DDAH1: variants seen among roughly 807,000 people sequenced by gnomAD.
DDAH1 encodes the protein dimethylarginine dimethylaminohydrolase 1, also known as N(G),N(G)-dimethylarginine dimethylaminohydrolase 1.
A neutral mutation model predicts 28.8 loss-of-function variants in DDAH1; 19 were observed. That is an observed-to-expected ratio of 0.66 (90% CI 0.46 to 0.97). The LOEUF is 0.97. DDAH1 is among the 50% of genes least tolerant of loss of function. DDAH1 has a pLI of 0.00. For missense variants in DDAH1, 326 were observed against 375.9 expected, an observed-to-expected ratio of 0.87 and a Z score of 1.10; for synonymous variants, 153 against 154.4, an observed-to-expected ratio of 0.99 and a Z score of 0.07.
At chr1:85,380,825 A>ATG (rs1650944071) in intron 1 of DDAH1, among the ~76,000 whole-genome samples, 1 of 152,168 alleles carries the variant, frequency 6.6e-6, no homozygotes, top group Non-Finnish European at 1.5e-5. Context: ...TCTTAGACTT[A>ATG]TGTGTGTGTG....
At chr1:85,392,772 A>G (rs528813250) in intron 1 of DDAH1, among the ~76,000 whole-genome samples, 18 of 148,110 alleles carry the variant, frequency 1.2e-4, no homozygotes, top group African/African-American at 4.0e-4. Context: ...CAGCCTGGCA[A>G]CAGAGCAAGA....
intron 1 of DDAH1, among the ~76,000 whole-genome samples, chr1:85,455,002 A>G (rs1440574932): frequency 6.6e-6 from 1 of 152,222 alleles, no homozygotes; most frequent in Non-Finnish European, 1.5e-5. Flanking sequence ...TTCAGAGAAA[A>G]GGGAGCTGGA....
intron 4 of DDAH1, among the ~76,000 whole-genome samples, chr1:85,339,885 C>T (rs546131857): frequency 1.3e-5 from 2 of 152,232 alleles, no homozygotes; most frequent in East Asian, 1.9e-4. Flanking sequence ...CCTTCAAGAC[C>T]GAAGGTACTG....
At chr1:85,474,445 T>C (rs138432036) in intron 2 of DDAH1, among the ~76,000 whole-genome samples, 19 of 152,188 alleles carry the variant, frequency 1.2e-4, no homozygotes, top group Admixed American at 5.2e-4. Context: ...ATCCCTATTC[T>C]CTCTTACTTG....
chr1:85,385,370 GT>G (rs1298892788), intron 1 of DDAH1, among the ~76,000 whole-genome samples: 1 of 152,178 alleles, frequency 6.6e-6, no homozygotes, highest in Non-Finnish European at 1.5e-5. Context: ...TAAAGCATTA[GT>G]AAAATACATA....
At chr1:85,356,145 A>G (rs1649477115) in intron 2 of DDAH1, among the ~76,000 whole-genome samples, 1 of 152,200 alleles carries the variant, frequency 6.6e-6, no homozygotes, top group South Asian at 2.1e-4. Context: ...TGTTCATTTT[A>G]TTATTGATCT....
intron 1 of DDAH1, among the ~76,000 whole-genome samples, chr1:85,403,186 C>A (rs1652232427): frequency 7.1e-6 from 1 of 141,028 alleles, no homozygotes; most frequent in Non-Finnish European, 1.5e-5. Flanking sequence ...TATACATATA[C>A]CTATATATAT....
intron 1 of DDAH1, among the ~76,000 whole-genome samples, chr1:85,534,059 A>G (rs1187970333): frequency 3.3e-5 from 5 of 152,216 alleles, no homozygotes; most frequent in African/African-American, 9.6e-5. Context: ...CAGTCAATCA[A>G]TCAATCAGTG....
chr1:85,415,449 C>T (rs761476300), intron 1 of DDAH1, among the ~76,000 whole-genome samples: 1 of 152,138 alleles, frequency 6.6e-6, no homozygotes. Flanking sequence ...ATTTCTAGCA[C>T]GTGTAACCTA....
chr1:85,334,793 G>C (rs897717202), intron 4 of DDAH1, among the ~76,000 whole-genome samples: 9 of 152,062 alleles, frequency 5.9e-5, no homozygotes, highest in Non-Finnish European at 1.2e-4. Flanking sequence ...GATTACTATA[G>C]CATCTAGACA....
At chr1:85,356,973 A>G (rs933212002) in intron 2 of DDAH1, among the ~76,000 whole-genome samples, 1 of 152,228 alleles carries the variant, frequency 6.6e-6, no homozygotes, top group African/African-American at 2.4e-5. Flanking sequence ...CCTGCTTACA[A>G]TAAGTTATTC....
chr1:85,439,245 A>G (rs1006005856), intron 1 of DDAH1, among the ~76,000 whole-genome samples: 1 of 152,370 alleles, frequency 6.6e-6, no homozygotes, highest in Middle Eastern at 3.4e-3. Context: ...CAATTCGCCA[A>G]CTAATCAGGA....
chr1:85,473,459 A>G (rs1158163618), intron 2 of DDAH1, among the ~76,000 whole-genome samples: 2 of 152,144 alleles, frequency 1.3e-5, no homozygotes, highest in African/African-American at 4.8e-5. Flanking sequence ...TCTACATTTA[A>G]AATTGTTATA....
At chr1:85,372,482 TACCA>T (rs1429049170) in intron 1 of DDAH1, among the ~76,000 whole-genome samples, 1 of 152,196 alleles carries the variant, frequency 6.6e-6, no homozygotes, top group Non-Finnish European at 1.5e-5. Flanking sequence ...GTCAATATTC[TACCA>T]AGGAAAACTA....
In DDAH1 at chr1:85,519,194, T is replaced by C. The variant is rs555690256; in HGVS notation, c.-122-22913A>G. ...CTGCAAGCTCCACCTCCCGGGTTCA[T>C]GCCATTCTCCTGCCTCAGCCTCCCC... is the stretch of plus-strand genomic sequence containing the variant. On this transcript the variant is annotated intron_variant, in intron 1 of 6. Transcript: ENST00000426972. Among the ~76,000 whole-genome samples, 57 of 147,924 alleles carry C rather than the reference T, an allele frequency of 3.9e-4. 1 individual carries two copies. Among genetic ancestry groups the C allele is most frequent in the African/African-American group, 1.3e-3 (51 of 39,938 alleles).
intron 4 of DDAH1, among the ~76,000 whole-genome samples, chr1:85,328,840 G>T (rs759147233): frequency 5.3e-5 from 8 of 152,204 alleles, no homozygotes; most frequent in Non-Finnish European, 1.2e-4. Flanking sequence ...TGGGAAAACT[G>T]TGTGTGGCAT....
At chr1:85,407,711 T>C (rs1171691980) in intron 1 of DDAH1, among the ~76,000 whole-genome samples, 2 of 152,228 alleles carry the variant, frequency 1.3e-5, no homozygotes, top group Non-Finnish European at 2.9e-5. Context: ...TTTTTGGTAA[T>C]ATTGACCCAA....
chr1:85,452,309 C>G (rs1182259317), intron 1 of DDAH1, among the ~76,000 whole-genome samples: 1 of 152,080 alleles, frequency 6.6e-6, no homozygotes, highest in Non-Finnish European at 1.5e-5. Flanking sequence ...AGATTTAAAA[C>G]CTGTTGACAA....
chr1:85,492,390 T>C (rs1656437221), intron 2 of DDAH1, among the ~76,000 whole-genome samples: 1 of 152,062 alleles, frequency 6.6e-6, no homozygotes, highest in Admixed American at 6.6e-5. Context: ...GAAACAGTAA[T>C]AGAAAAAAAT....
Sources: allele counts gnomAD v4.1 joint callset (sites outside exome capture counted in the v4.1 genomes callset), GRCh38; gene constraint gnomAD v4.1.1; transcripts MANE v1.5; gene names NCBI Gene and HGNC (gene_info 2026-07-23, HGNC 2026-07-21).